The following ARHGAP44 variants were observed in gnomAD, a reference collection of about 807,000 sequenced individuals.
ARHGAP44 encodes Rho GTPase activating protein 44.
ARHGAP44 carries 43 observed loss-of-function variants against 106.8 expected under a neutral mutation model. The observed-to-expected ratio is 0.40, with a 90% CI of 0.32 to 0.52. ARHGAP44 has a LOEUF of 0.52. Ranked by LOEUF, ARHGAP44 falls within the 20% of genes least tolerant of loss-of-function variation. The pLI, the probability that ARHGAP44 is intolerant of heterozygous loss-of-function variation, is 0.48. For synonymous variants in ARHGAP44, 439 were observed against 410.3 expected, an observed-to-expected ratio of 1.07 and a Z score of -0.85; for missense variants, 866 against 1,050.5, an observed-to-expected ratio of 0.82 and a Z score of 2.43.
At position 12,873,591 on chromosome 17, in the gene ARHGAP44, A is replaced by G. The variant is rs529208053; in HGVS notation, c.54-21349A>G. Among the ~76,000 whole-genome samples the G allele has an allele frequency of 4.6e-5, 7 of 152,222 alleles. No homozygotes were observed. The South Asian group carries it at 1.4e-3, about 32-fold the overall frequency. On this transcript the variant is annotated intron_variant, in intron 1 of 20. Coordinates refer to ENST00000379672, the MANE Select transcript of ARHGAP44 (RefSeq NM_014859.6). Reference sequence around the variant, plus strand: ...AATTGCATTGAAGTATAGTATAAGAAACCACCAGCTGGGCGCAAACCACCA... The same window carrying G: ...AATTGCATTGAAGTATAGTATAAGAGACCACCAGCTGGGCGCAAACCACCA...
chr17:12,837,351 A>G (rs537546906), intron 1 of ARHGAP44, among the ~76,000 whole-genome samples: 1 of 152,218 alleles, frequency 6.6e-6, no homozygotes, highest in South Asian at 2.1e-4. Flanking sequence ...TACACATTGT[A>G]TGCCTGTATG....
chr17:12,836,564 C>T (rs768112298), intron 1 of ARHGAP44, among the ~76,000 whole-genome samples: 6 of 151,978 alleles, frequency 3.9e-5, no homozygotes, highest in Non-Finnish European at 7.4e-5. Flanking sequence ...AGGACAATTG[C>T]TTGAACCCAG....
chr17:12,969,799 T>A (rs1305650701), intron 16 of ARHGAP44, among the ~76,000 whole-genome samples: 2 of 152,104 alleles, frequency 1.3e-5, no homozygotes, highest in Non-Finnish European at 2.9e-5. Flanking sequence ...GCTAAATACA[T>A]CTCAGCACTC....
chr17:12,976,670 A>G (rs985665436), intron 18 of ARHGAP44, among the ~76,000 whole-genome samples: 2 of 151,418 alleles, frequency 1.3e-5, no homozygotes, highest in Non-Finnish European at 1.5e-5. Flanking sequence ...ACAAAGGGAC[A>G]GGGGGTTAGA....
At chr17:12,806,238 G>T (rs781122899) in intron 1 of ARHGAP44, among the ~76,000 whole-genome samples, 3 of 152,074 alleles carry the variant, frequency 2.0e-5, no homozygotes, top group Admixed American at 6.5e-5. Flanking sequence ...TGGTTGTAGT[G>T]GGGGCTTGGA....
chr17:12,989,116 A>AAAAAAAAAC (rs2040040212), intron 20 of ARHGAP44, among the ~76,000 whole-genome samples: 1 of 146,320 alleles, frequency 6.8e-6, no homozygotes, highest in Non-Finnish European at 1.5e-5. Context: ...AAAAAAAAAA[A>AAAAAAAAAC]AAAAAAAAAC....
At chr17:12,985,647 C>T (rs745885671) in intron 20 of ARHGAP44, 9 of 152,234 alleles carry the variant, frequency 5.9e-5, no homozygotes, top group Non-Finnish European at 1.0e-4. Flanking sequence ...TTTGGAACAT[C>T]TCCCCAGACA....
At position 12,974,236 on chromosome 17, in the gene ARHGAP44, G is replaced by C; in HGVS notation, c.1689G>C (p.Gln563His). Residue 563 changes from glutamine to histidine, a missense_variant, in exon 18 of 21, where the codon CAG (glutamine) becomes CAC (histidine). Physicochemically the swap from Gln to His is conservative, Grantham distance 24. Transcript: ENST00000379672. The stretch of plus-strand genomic sequence containing the variant: ...CCCTGCCTTCGCCGCTGCCGGAGCA[G>C]CCCCTGGACAGCCCCGCGGCCCCCG... Reference protein sequence around the residue: ...AAPLPSPLPEQPLDSPAAPAL... With the variant: ...AAPLPSPLPEHPLDSPAAPAL... The C allele has an allele frequency of 6.5e-7, 1 of 1,540,844 alleles. No individual in the cohort carries two copies. Among genetic ancestry groups the C allele is most frequent in the South Asian group, 1.2e-5 (1 of 83,382 alleles).
At chr17:12,802,928 TA>T (rs1326487825) in intron 1 of ARHGAP44, among the ~76,000 whole-genome samples, 12 of 9,096 alleles carry the variant, frequency 1.3e-3, no homozygotes, top group Admixed American at 4.2e-3. Flanking sequence ...CTGGCTAATT[TA>T]TATATATATA....
intron 10 of ARHGAP44, among the ~76,000 whole-genome samples, chr17:12,947,072 A>C (rs541077449): frequency 2.0e-5 from 3 of 152,228 alleles, no homozygotes; most frequent in African/African-American, 7.2e-5. Context: ...ACACAACCAC[A>C]GCCTCATATG....
chr17:12,906,444 C>A (rs1435539183), intron 3 of ARHGAP44, among the ~76,000 whole-genome samples: 1 of 152,170 alleles, frequency 6.6e-6, no homozygotes, highest in Non-Finnish European at 1.5e-5. Flanking sequence ...TTCTCAACAA[C>A]CAGCTATAAA....
chr17:12,899,838 A>T (rs1453464032), intron 3 of ARHGAP44, among the ~76,000 whole-genome samples: 1 of 152,194 alleles, frequency 6.6e-6, no homozygotes, highest in Non-Finnish European at 1.5e-5. Flanking sequence ...TTGCTACTTG[A>T]GTACGTGTAA....
At position 12,944,115 on chromosome 17, in the gene ARHGAP44, C is replaced by T. The variant is rs1233734800; in HGVS notation, c.780C>T (p.His260=). 6.2e-6 allele frequency: 10 copies of T among 1,612,936 alleles called. No individual in the cohort carries two copies. The highest frequency in any genetic ancestry group is 8.5e-6 in the Non-Finnish European group (10 of 1,179,702). ...KPSFGKPLEE[H]LTISGREIAF... ...CCTTCGGGAAGCCGCTGGAGGAGCA[C>T]CTCACCATCAGCGGCCGGGAGATCG... The change falls in exon 10 of 21, where the codon CAC becomes CAT. Residue 260 remains histidine, a synonymous_variant. Coordinates refer to ENST00000379672, the MANE Select transcript of ARHGAP44 (RefSeq NM_014859.6).
At chr17:12,803,098 G>A (rs1258710438) in intron 1 of ARHGAP44, among the ~76,000 whole-genome samples, 5 of 148,170 alleles carry the variant, frequency 3.4e-5, no homozygotes, top group East Asian at 2.0e-4. Flanking sequence ...TCAGCCTCCC[G>A]AGTAGCTGGG....
At chr17:12,811,310 CTCA>C (rs2034434705) in intron 1 of ARHGAP44, among the ~76,000 whole-genome samples, 2 of 132,344 alleles carry the variant, frequency 1.5e-5, no homozygotes, top group Non-Finnish European at 3.1e-5. Flanking sequence ...GAGACTCCTT[CTCA>C]AAAAAAAAAA....
intron 1 of ARHGAP44, among the ~76,000 whole-genome samples, chr17:12,818,009 C>T (rs567663798): frequency 1.2e-3 from 186 of 151,960 alleles, no homozygotes; most frequent in Non-Finnish European, 2.2e-3. Context: ...TTTGTGAGGT[C>T]TTTATTACAC....
At chr17:12,983,882 G>A (rs1000567103) in intron 19 of ARHGAP44, among the ~76,000 whole-genome samples, 2 of 152,260 alleles carry the variant, frequency 1.3e-5, no homozygotes, top group South Asian at 2.1e-4. Flanking sequence ...TTAGACCAGC[G>A]GGTACAATTC....
At chr17:12,839,253 C>T (rs771460645) in intron 1 of ARHGAP44, among the ~76,000 whole-genome samples, 51 of 152,136 alleles carry the variant, frequency 3.4e-4, no homozygotes, top group Non-Finnish European at 5.4e-4. Flanking sequence ...GATAATCTTC[C>T]TATCTTAACA....
chr17:12,830,954 T>C (rs1004968008), intron 1 of ARHGAP44, among the ~76,000 whole-genome samples: 2 of 152,238 alleles, frequency 1.3e-5, no homozygotes, highest in African/African-American at 4.8e-5. Context: ...AAGTTGACTT[T>C]GTCTGGGGAC....
Sources: allele counts gnomAD v4.1 joint callset (sites outside exome capture counted in the v4.1 genomes callset), GRCh38; gene constraint gnomAD v4.1.1; transcripts MANE v1.5; gene names NCBI Gene and HGNC (gene_info 2026-07-23, HGNC 2026-07-21).